The following PDLIM5 variants were observed in gnomAD, a reference collection of about 807,000 sequenced individuals.
The protein encoded by PDLIM5 is PDZ and LIM domain protein 5.
A neutral mutation model predicts 64.2 loss-of-function variants in PDLIM5; 34 were observed. The ratio of observed to expected loss-of-function variants is 0.53; its 90% confidence interval spans 0.40 to 0.71. PDLIM5 has a LOEUF of 0.71. Among genes scored for constraint, PDLIM5 ranks in the 30% least tolerant of loss-of-function variants. The pLI is 0.00. For synonymous variants in PDLIM5, 253 were observed against 269.1 expected (o/e 0.94, Z 0.59); for missense variants, 683 against 733.6 (o/e 0.93, Z 0.80).
Position 94,567,204 on chromosome 4 carries a change from A to G in PDLIM5, c.249-6147A>G, listed in dbSNP as rs900524184. Among the ~76,000 whole-genome samples the G allele has an allele frequency of 7.9e-5, 12 of 152,326 alleles. No individual in the cohort carries two copies. In the South Asian group the frequency reaches 2.1e-3, roughly 26 times the overall value. ...GAGACGGGGTTTCACCGTGTTAGCC[A>G]GGATGATCTCGATCTCCTGACCTCG... On this transcript the variant is annotated intron_variant, in intron 3 of 12. Coordinates refer to ENST00000317968, the MANE Select transcript of PDLIM5 (RefSeq NM_006457.5).
chr4:94,465,832 A>G (rs1724305369), intron 2 of PDLIM5, among the ~76,000 whole-genome samples: 1 of 152,176 alleles, frequency 6.6e-6, no homozygotes, highest in Admixed American at 6.6e-5. Context: ...CTGAGTAGTA[A>G]TAATGTGTTT....
intron 3 of PDLIM5, among the ~76,000 whole-genome samples, chr4:94,546,647 TAGG>T (rs1169568706): frequency 3.3e-5 from 5 of 152,294 alleles, no homozygotes; most frequent in African/African-American, 1.2e-4. Context: ...TTTTTATTCA[TAGG>T]AGTTCTTGAT....
chr4:94,652,379 T>C (rs1741908410), intron 9 of PDLIM5, among the ~76,000 whole-genome samples: 1 of 152,222 alleles, frequency 6.6e-6, no homozygotes, highest in South Asian at 2.1e-4. Context: ...CTCTGTGTTA[T>C]GGTCACAGTA....
intron 2 of PDLIM5, among the ~76,000 whole-genome samples, chr4:94,493,244 T>G (rs1263654783): frequency 6.6e-6 from 1 of 152,188 alleles, no homozygotes; most frequent in Non-Finnish European, 1.5e-5. Context: ...TAAAACTATA[T>G]TCTAGATACA....
intron 7 of PDLIM5, among the ~76,000 whole-genome samples, chr4:94,596,630 A>G (rs115324402): frequency 1.0e-3 from 153 of 152,030 alleles, no homozygotes; most frequent in African/African-American, 3.6e-3. Flanking sequence ...CTTAATTTCT[A>G]TCTTTTGCTG....
At chr4:94,521,234 G>A (rs1046050545) in intron 2 of PDLIM5, among the ~76,000 whole-genome samples, 5 of 152,220 alleles carry the variant, frequency 3.3e-5, no homozygotes, top group African/African-American at 7.2e-5. Context: ...TTTCCAGTGC[G>A]AGAGGTAATG....
At position 94,663,880 on chromosome 4, in the gene PDLIM5, T is replaced by C. The variant is rs1306908400; in HGVS notation, c.1702-98T>C. 1.1e-5 allele frequency: 14 copies of C among 1,256,240 alleles called. 1 individual carries two copies. Among genetic ancestry groups the C allele is most frequent in the East Asian group, 1.0e-4 (4 of 38,852 alleles). The allele number at this position is 1,256,240 out of a possible 1,614,324, so 77.8% of individuals were successfully genotyped here. On this transcript the variant is annotated intron_variant, in intron 12 of 12. Coordinates refer to ENST00000317968, the MANE Select transcript of PDLIM5 (RefSeq NM_006457.5). ...CTAAAGTGTTTTGTCATATTATCCA[T>C]TGGGGGGAAAAATCACTCTCTCCTT... is the stretch of plus-strand genomic sequence containing the variant.
chr4:94,524,075 G>A (rs1730107565), intron 3 of PDLIM5, among the ~76,000 whole-genome samples, 200 bp downstream of exon 3: 1 of 151,994 alleles, frequency 6.6e-6, no homozygotes, highest in South Asian at 2.1e-4. Context: ...CCATCAAAAG[G>A]CATGTATTCC....
At chr4:94,616,174 C>T (rs1018820252) in intron 7 of PDLIM5, among the ~76,000 whole-genome samples, 2 of 151,968 alleles carry the variant, frequency 1.3e-5, no homozygotes, top group Admixed American at 1.3e-4. Flanking sequence ...TGATTATATA[C>T]ATTATTAATT....
At chr4:94,454,441 T>C (rs1467058411) in intron 1 of PDLIM5, among the ~76,000 whole-genome samples, 1 of 152,124 alleles carries the variant, frequency 6.6e-6, no homozygotes, top group African/African-American at 2.4e-5. Context: ...CTGGTTCTTT[T>C]CTAAACTGCC....
intron 3 of PDLIM5, among the ~76,000 whole-genome samples, chr4:94,566,997 CTTTG>C (rs1410931168): frequency 2.6e-5 from 4 of 152,186 alleles, no homozygotes; most frequent in South Asian, 2.1e-4. Context: ...TTGTTTGTTT[CTTTG>C]TTTGTTTTAT....
chr4:94,458,515 A>G (rs2126075934), intron 2 of PDLIM5, among the ~76,000 whole-genome samples: 1 of 152,236 alleles, frequency 6.6e-6, no homozygotes, highest in East Asian at 1.9e-4. Flanking sequence ...TTGTCCACTG[A>G]AATTAAGAAA....
rs552135691 is a variant in PDLIM5 at position 94,585,064 on chromosome 4, T to C, written c.711-501T>C. 1.6e-5 allele frequency: 13 copies of C among 805,414 alleles called. No individual in the cohort carries two copies. The East Asian group carries it at 3.6e-4, about 22-fold the overall frequency. The allele number at this position is 805,414 out of a possible 1,614,324, so 49.9% of individuals were successfully genotyped here. On this transcript the variant is annotated intron_variant, in intron 5 of 12. Coordinates refer to ENST00000317968, the MANE Select transcript of PDLIM5 (RefSeq NM_006457.5). Reference sequence around the variant, plus strand: ...TTTTATATTAACATTATAAGTGCAGTTTTTTACTTATAATTTAAAAGGTTT... The same window carrying C: ...TTTTATATTAACATTATAAGTGCAGCTTTTTACTTATAATTTAAAAGGTTT...
At chr4:94,552,327 T>C (rs1732882256) in intron 3 of PDLIM5, among the ~76,000 whole-genome samples, 1 of 152,194 alleles carries the variant, frequency 6.6e-6, no homozygotes, top group African/African-American at 2.4e-5. Context: ...TCAAGTTGAA[T>C]GGCTGAGAGA....
At chr4:94,585,886 C>G (rs1333991709) in intron 6 of PDLIM5, 149 bp downstream of exon 6, 2 of 605,232 alleles carry the variant, frequency 3.3e-6, no homozygotes, top group Non-Finnish European at 5.7e-6. Flanking sequence ...TAAATAAGAC[C>G]CCAGGCCGGG....
chr4:94,567,187 G>A (rs562387951), intron 3 of PDLIM5, among the ~76,000 whole-genome samples: 30 of 152,178 alleles, frequency 2.0e-4, no homozygotes, highest in Admixed American at 1.1e-3. Context: ...TAGAGACGGG[G>A]TTTCACCGTG....
At chr4:94,455,873 C>A in intron 2 of PDLIM5, 1 of 1,394,278 alleles carries the variant, frequency 7.2e-7, no homozygotes, top group African/African-American at 1.4e-5. Flanking sequence ...AGCTACTTAC[C>A]CTTGAAGAGG....
At chr4:94,659,898 C>CA (rs937402500) in intron 11 of PDLIM5, among the ~76,000 whole-genome samples, 5 of 113,480 alleles carry the variant, frequency 4.4e-5, no homozygotes, top group African/African-American at 1.6e-4. Flanking sequence ...AAAAAAATTA[C>CA]ACTTTTTTTT....
rs1182350618 is a variant in PDLIM5, at chr4:94,665,966, A to G, written c.*1899A>G. On this transcript the variant is annotated 3_prime_UTR_variant, in exon 13 of 13. Coordinates refer to ENST00000317968, the MANE Select transcript of PDLIM5 (RefSeq NM_006457.5). ...TGGTAAAACTGTGGATCCTGTTGCTATTTGCCCAGTGAGAAAACAGATTCT... is the reference window on the plus strand; with the variant it reads ...TGGTAAAACTGTGGATCCTGTTGCTGTTTGCCCAGTGAGAAAACAGATTCT... 5.2e-6 allele frequency: 8 copies of G among 1,529,848 alleles called. No homozygotes were observed. The highest frequency in any genetic ancestry group is 1.4e-5 in the African/African-American group (1 of 72,830). 94.8% of individuals were successfully genotyped at this position (1,529,848 alleles called of 1,614,324 possible).
Sources: gnomAD v4.1 joint callset for allele counts (sites outside exome capture counted in the v4.1 genomes callset) on GRCh38, gnomAD v4.1.1 for gene constraint, MANE v1.5 for transcripts, NCBI Gene and HGNC (gene_info 2026-07-23, HGNC 2026-07-21) for gene names.